The following VIPR2 variants were observed in gnomAD, a reference collection of about 807,000 sequenced individuals.
VIPR2 encodes the protein vasoactive intestinal peptide receptor 2, also known as vasoactive intestinal polypeptide receptor 2.
In VIPR2, 48 loss-of-function variants were observed where a neutral mutation model predicts 58.0. That is an observed-to-expected ratio of 0.83 (90% CI 0.66 to 1.05). The LOEUF is 1.05. Among genes scored for constraint, VIPR2 ranks in the 50% least tolerant of loss-of-function variants. The pLI, the probability that VIPR2 is intolerant of heterozygous loss-of-function variation, is 0.00. For missense variants in VIPR2, 534 were observed against 558.0 expected (o/e 0.96, Z 0.43); for synonymous variants, 243 against 235.2 (o/e 1.03, Z -0.30).
chr7:159,052,144 T>C (rs1471286420), intron 5 of VIPR2, among the ~76,000 whole-genome samples: 1 of 152,130 alleles, frequency 6.6e-6, no homozygotes, highest in Non-Finnish European at 1.5e-5. Flanking sequence ...GGACTGAAAG[T>C]TGGTTCTTGG....
chr7:159,073,106 G>T (rs1856486429), intron 4 of VIPR2, among the ~76,000 whole-genome samples: 1 of 152,118 alleles, frequency 6.6e-6, no homozygotes, highest in South Asian at 2.1e-4. Flanking sequence ...CCAGAACATA[G>T]TAACAAATAA....
intron 4 of VIPR2, among the ~76,000 whole-genome samples, chr7:159,082,279 G>A (rs1331343270): frequency 6.6e-6 from 1 of 152,188 alleles, no homozygotes; most frequent in Non-Finnish European, 1.5e-5. Flanking sequence ...GGAATACTAT[G>A]CAGCCATAAA....
In VIPR2 at chr7:159,040,962, T is replaced by C. The variant is rs956364119; in HGVS notation, c.597+2073A>G. Among the ~76,000 whole-genome samples the C allele has an allele frequency of 1.2e-4, 18 of 152,158 alleles. 1 individual carries two copies. The highest frequency in any genetic ancestry group is 4.3e-4 in the African/African-American group (18 of 41,442). On this transcript the variant is annotated intron_variant, in intron 6 of 12. Transcript: ENST00000262178. The stretch of plus-strand genomic sequence containing the variant: ...GCTGGTACTAGAGTCACGGGGCATC[T>C]GGCACAAGGGGCAAAGCCGACTCCC...
intron 6 of VIPR2, among the ~76,000 whole-genome samples, chr7:159,042,217 G>A (rs1365408231): frequency 6.6e-6 from 1 of 152,166 alleles, no homozygotes; most frequent in Non-Finnish European, 1.5e-5. Context: ...TGCGGGAGGA[G>A]AGTCTGGAGC....
intron 4 of VIPR2, among the ~76,000 whole-genome samples, chr7:159,086,172 T>C (rs1185900611): frequency 1.3e-5 from 2 of 152,212 alleles, no homozygotes; most frequent in East Asian, 1.9e-4. Flanking sequence ...AAAAAGTCGA[T>C]TAACTTGAAA....
At position 159,097,792 on chromosome 7, in the gene VIPR2, G is replaced by A. The variant is rs1305129175; in HGVS notation, c.357+5965C>T. 6.6e-6 allele frequency among the ~76,000 whole-genome samples: 1 copy of A among 152,206 alleles called. No individual in the cohort carries two copies. ...AAGATTTCTGGGTCTGATCCCAGGA[G>A]TGGGATAGGGCGGGCAACAGGGCTT... On this transcript the variant is annotated intron_variant, in intron 4 of 12. Coordinates refer to ENST00000262178, the MANE Select transcript of VIPR2 (RefSeq NM_003382.5). This position sits in a 1 kb window ranked among gnomAD's most constrained non-coding sequence, Gnocchi z 5.3.
intron 2 of VIPR2, among the ~76,000 whole-genome samples, chr7:159,130,318 G>A (rs1796846947): frequency 6.6e-6 from 1 of 152,200 alleles, no homozygotes; most frequent in South Asian, 2.1e-4. Context: ...GAGAGGAGAG[G>A]AGGCTGAATT....
chr7:159,072,457 T>C (rs1856455187), intron 4 of VIPR2, among the ~76,000 whole-genome samples: 2 of 152,210 alleles, frequency 1.3e-5, no homozygotes, highest in African/African-American at 4.8e-5. Flanking sequence ...GTCAGTGGCA[T>C]AATTAGAGCC....
chr7:159,085,591 G>A (rs576572703), intron 4 of VIPR2, among the ~76,000 whole-genome samples: 2 of 152,338 alleles, frequency 1.3e-5, no homozygotes, highest in Non-Finnish European at 2.9e-5. Flanking sequence ...CACCGCGCCC[G>A]GCCTCATGGT....
intron 3 of VIPR2, among the ~76,000 whole-genome samples, chr7:159,106,831 GAGAGGCCAGGGAGGCACAC>G (rs1328901296): frequency 8.6e-5 from 13 of 151,106 alleles, no homozygotes; most frequent in East Asian, 7.9e-4. Flanking sequence ...GAGATGCAGA[GAGAGGCCAGGGAGGCACAC>G]AGAGGCCAGG....
At chr7:159,102,496 T>C (rs1012958861) in intron 4 of VIPR2, among the ~76,000 whole-genome samples, 3 of 152,200 alleles carry the variant, frequency 2.0e-5, no homozygotes, top group African/African-American at 7.2e-5. Flanking sequence ...GGTCAGGAGT[T>C]TTACCTTCCA....
At chr7:159,132,389 G>T in intron 2 of VIPR2, among the ~76,000 whole-genome samples, 1 of 139,426 alleles carries the variant, frequency 7.2e-6, no homozygotes, top group South Asian at 2.4e-4. Flanking sequence ...GCCTGGGTCT[G>T]ACAGGGACTG....
At chr7:159,110,241 G>A (rs573408976) in intron 2 of VIPR2, among the ~76,000 whole-genome samples, 3 of 152,368 alleles carry the variant, frequency 2.0e-5, no homozygotes, top group Admixed American at 6.5e-5. Context: ...GTAAGGCCCC[G>A]TCGGGGAGGG....
At chr7:159,086,780 G>T (rs1302439663) in intron 4 of VIPR2, among the ~76,000 whole-genome samples, 1 of 152,172 alleles carries the variant, frequency 6.6e-6, no homozygotes, top group Non-Finnish European at 1.5e-5. Context: ...CCCGTAGGAT[G>T]GCACAAAGCC....
chr7:159,121,241 G>A (rs1796446640), intron 2 of VIPR2, among the ~76,000 whole-genome samples: 2 of 147,444 alleles, frequency 1.4e-5, no homozygotes, highest in Non-Finnish European at 3.0e-5. Flanking sequence ...GTGCGGGGCA[G>A]ACTCTAACAC....
intron 5 of VIPR2, among the ~76,000 whole-genome samples, chr7:159,055,945 G>C (rs1407578203): frequency 6.6e-6 from 1 of 152,240 alleles, no homozygotes; most frequent in Admixed American, 6.5e-5. Context: ...CTGCTCATTA[G>C]CAATGGTGGG....
intron 6 of VIPR2, among the ~76,000 whole-genome samples, chr7:159,037,883 G>A (rs1183438141): frequency 6.6e-6 from 1 of 152,126 alleles, no homozygotes; most frequent in East Asian, 1.9e-4. Context: ...ATAGACATAT[G>A]TAGGTGGGTG....
At chr7:159,105,535 C>T (rs561077009) in intron 3 of VIPR2, among the ~76,000 whole-genome samples, 53 of 152,206 alleles carry the variant, frequency 3.5e-4, no homozygotes, top group East Asian at 1.2e-3. Flanking sequence ...GAGAGAGGGC[C>T]GGGCCAGGCT....
At chr7:159,032,271 C>A (rs1319325570) in intron 10 of VIPR2, among the ~76,000 whole-genome samples, 1 of 152,214 alleles carries the variant, frequency 6.6e-6, no homozygotes, top group African/African-American at 2.4e-5. Flanking sequence ...GCACTCAGGG[C>A]CTGGGAACGT....
Sources: gnomAD v4.1 joint callset for allele counts (sites outside exome capture counted in the v4.1 genomes callset) on GRCh38, gnomAD v4.1.1 for gene constraint, Gnocchi (gnomAD v3.1) non-coding constraint, MANE v1.5 for transcripts, NCBI Gene and HGNC (gene_info 2026-07-23, HGNC 2026-07-21) for gene names.